Variants in YTHDC2 observed in about 807,000 individuals in gnomAD.
YTHDC2 encodes the protein 3'-5' RNA helicase YTHDC2.
YTHDC2 carries 45 observed loss-of-function variants against 174.9 expected under a neutral mutation model. That is an observed-to-expected ratio of 0.26 (90% CI 0.20 to 0.33). The LOEUF is 0.33. YTHDC2 is among the 10% of genes least tolerant of loss of function. The probability of loss-of-function intolerance (pLI) is 1.00; values close to 1 mark genes in which losing one functional copy is unlikely to be tolerated. For missense variants in YTHDC2, 1,650 were observed against 1,723.7 expected (o/e 0.96, Z 0.76); for synonymous variants, 657 against 574.5 (o/e 1.14, Z -2.05).
rs1337017330 is a variant in YTHDC2 at position 113,545,819 on chromosome 5, C to T, written c.1496-2722C>T. ...GCAGTGGCGGGATCTCGGCTCACTG[C>T]AAGCTCCGCCTCCCGGGTTCACGCC... On this transcript the variant is annotated intron_variant, in intron 10 of 29. Transcript: ENST00000161863. Among the ~76,000 whole-genome samples, 4 of 48,802 alleles carry T rather than the reference C, an allele frequency of 8.2e-5. 1 individual carries two copies. Among genetic ancestry groups the T allele is most frequent in the Non-Finnish European group, 1.3e-4 (4 of 29,868 alleles). The allele number at this position is 48,802 out of a possible 152,430, so 32.0% of individuals were successfully genotyped here.
At position 113,525,961 on chromosome 5, in the gene YTHDC2, C is replaced by T. The variant is rs542960558; in HGVS notation, c.476-625C>T. On this transcript the variant is annotated intron_variant, in intron 3 of 29. Coordinates refer to ENST00000161863, the MANE Select transcript of YTHDC2 (RefSeq NM_022828.5). The stretch of plus-strand genomic sequence containing the variant: ...GAATATAAAACATTTCATACCTCTT[C>T]TTTATTCCTATCTGTTTAGTTAAAT... 2.6e-5 allele frequency among the ~76,000 whole-genome samples: 4 copies of T among 152,196 alleles called. No homozygotes were observed. In the South Asian group the frequency reaches 8.3e-4, roughly 32 times the overall value.
intron 22 of YTHDC2, 32 bp downstream of exon 22, chr5:113,567,329 G>A (rs1777403686): frequency 6.4e-7 from 1 of 1,559,634 alleles, no homozygotes; most frequent in Non-Finnish European, 8.6e-7. Flanking sequence ...TGGGTTTTGA[G>A]GTGAAACTAA....
chr5:113,581,853 AG>A, intron 25 of YTHDC2, 144 bp downstream of exon 25: 1 of 672,242 alleles, frequency 1.5e-6, no homozygotes, highest in Non-Finnish European at 2.2e-6. Flanking sequence ...TAAAGTGGAA[AG>A]AGTTTTCTAC....
intron 23 of YTHDC2, among the ~76,000 whole-genome samples, chr5:113,569,258 A>G (rs1167017166): frequency 1.3e-5 from 2 of 152,082 alleles, no homozygotes; most frequent in African/African-American, 2.4e-5. Context: ...TGTCAGATGG[A>G]TAGATTGCAA....
chr5:113,566,473 A>T (rs1350644219), intron 21 of YTHDC2, among the ~76,000 whole-genome samples: 29 of 125,464 alleles, frequency 2.3e-4, no homozygotes, highest in African/African-American at 8.5e-4. Flanking sequence ...TTTGAAGAGG[A>T]TGCTAGTATT....
chr5:113,570,904 C>T (rs6896501), intron 23 of YTHDC2, among the ~76,000 whole-genome samples: 30,696 of 152,056 alleles, frequency 0.2, 3,529 homozygotes, highest in Admixed American at 0.33. Flanking sequence ...TCTACCACCT[C>T]GGCCTCCCAA....
At position 113,578,359 on chromosome 5, in the gene YTHDC2, C is replaced by T. The variant is rs112608891; in HGVS notation, c.3245-1227C>T. On this transcript the variant is annotated intron_variant, in intron 23 of 29. Transcript: ENST00000161863. ...TATAGGCATGAGTCACCACACCTGG[C>T]ATAGAAGGTTTTGTTTTGTTTTGTT... Among the ~76,000 whole-genome samples, 311 of 145,614 alleles carry T rather than the reference C, an allele frequency of 2.1e-3. 5 individuals carry two copies. Among genetic ancestry groups the T allele is most frequent in the African/African-American group, 8.1e-3 (298 of 36,952 alleles).
intron 17 of YTHDC2, among the ~76,000 whole-genome samples, chr5:113,560,860 G>T (rs1776915858): frequency 1.3e-5 from 2 of 152,170 alleles, no homozygotes; most frequent in African/African-American, 2.4e-5. Context: ...GATGTATCAG[G>T]TAGGTGTCCT....
intron 21 of YTHDC2, 104 bp from the exon 22 acceptor site, chr5:113,566,988 T>C (rs539004364): frequency 7.8e-7 from 1 of 1,276,196 alleles, no homozygotes; most frequent in South Asian, 1.6e-5. Context: ...ATCGTGAAAT[T>C]TGAATATCAC....
At chr5:113,585,495 AACTT>A (rs1474268935) in intron 26 of YTHDC2, among the ~76,000 whole-genome samples, 1 of 152,168 alleles carries the variant, frequency 6.6e-6, no homozygotes, top group East Asian at 1.9e-4. Context: ...ATTAAGGTGT[AACTT>A]ACAATAAAAT....
In YTHDC2 at chr5:113,567,682, C is replaced by T; in HGVS notation, c.3077C>T (p.Ala1026Val). The T allele has an allele frequency of 1.2e-6, 2 of 1,603,560 alleles. No individual in the cohort carries two copies. Among genetic ancestry groups the T allele is most frequent in the Non-Finnish European group, 1.7e-6 (2 of 1,176,228 alleles). Residue 1026 changes from alanine (A) to valine (V), a missense_variant, in exon 23 of 30, where the codon GCA becomes GTA. Ala to Val is a moderately conservative substitution (Grantham distance 64). Transcript: ENST00000161863. ...CCTCCAGCCAATGGTCAAGCTGCAG[C>T]AATTAAGGCACTGCCCACAGATTGG... is the stretch of plus-strand genomic sequence containing the variant. ...KIPPANGQAAAIKALPTDWLI... is the reference protein window; with the variant it reads ...KIPPANGQAAVIKALPTDWLI...
chr5:113,514,362 T>G lies in YTHDC2; in HGVS notation c.187+280T>G, dbSNP rs1773250441. 3 of 646,486 alleles carry G rather than the reference T, an allele frequency of 4.6e-6. No homozygotes were observed. In the Admixed American group the frequency reaches 6.3e-5, roughly 13 times the overall value. 40.0% of individuals were successfully genotyped at this position (646,486 alleles called of 1,614,324 possible). A position where few individuals can be genotyped will look rare whatever the true frequency, so the allele number is the denominator to read the frequency against. ...CGCGTCTTTCAGCAGCCTTGGGCGG[T>G]TAAGCCACCGTGTTTCAGATATTGG... On this transcript the variant is annotated intron_variant, in intron 1 of 29. Coordinates refer to ENST00000161863, the MANE Select transcript of YTHDC2 (RefSeq NM_022828.5).
Position 113,567,802 on chromosome 5 carries a change from C to T in YTHDC2, c.3197C>T (p.Pro1066Leu), listed in dbSNP as rs779619908. The change falls in exon 23 of 30, where the codon CCA becomes CTA. Residue 1066 changes from proline (P) to leucine (L), a missense_variant. By Grantham distance (98) the Pro-to-Leu change is moderately conservative. Around this residue, in one of 5 missense-constraint regions of YTHDC2, gnomAD observed 913 missense variants for 940.4 expected, o/e 0.97. Transcript: ENST00000161863. ...TPVTILVFCG[P>L]ARLASNALQE... Reference sequence around the variant, plus strand: ...GTCACTATATTGGTATTCTGTGGACCAGCTAGATTGGCAAGTAATGCTCTT... The same window carrying T: ...GTCACTATATTGGTATTCTGTGGACTAGCTAGATTGGCAAGTAATGCTCTT... 2 of 1,592,584 alleles carry T rather than the reference C, an allele frequency of 1.3e-6. No homozygotes were observed. The highest frequency in any genetic ancestry group is 1.3e-5 in the African/African-American group (1 of 74,230).
At chr5:113,518,375 A>G (rs915466624) in intron 2 of YTHDC2, among the ~76,000 whole-genome samples, 12 of 150,714 alleles carry the variant, frequency 8.0e-5, no homozygotes, top group South Asian at 6.3e-4. Flanking sequence ...TAATTTTTCT[A>G]TTTTTTGTAG....
intron 4 of YTHDC2, among the ~76,000 whole-genome samples, chr5:113,527,645 T>G (rs1041659060): frequency 6.6e-6 from 1 of 152,224 alleles, no homozygotes; most frequent in African/African-American, 2.4e-5. Context: ...GTATAAACTT[T>G]ACCAGTTTTT....
Position 113,546,091 on chromosome 5 carries a change from T to A in YTHDC2, c.1496-2450T>A, listed in dbSNP as rs1009210659. Among the ~76,000 whole-genome samples the A allele has an allele frequency of 9.8e-5, 15 of 152,338 alleles. No individual in the cohort carries two copies. The Middle Eastern group carries it at 0.01, about 104-fold the overall frequency. On this transcript the variant is annotated intron_variant, in intron 10 of 29. Coordinates refer to ENST00000161863, the MANE Select transcript of YTHDC2 (RefSeq NM_022828.5). Reference sequence around the variant, plus strand: ...TTGGATTTGAAAGTGTAGATATTTGTTCATCTGCAGTTTTCTTGCGTTCTT... The same window carrying A: ...TTGGATTTGAAAGTGTAGATATTTGATCATCTGCAGTTTTCTTGCGTTCTT...
At chr5:113,569,459 G>A (rs1777574700) in intron 23 of YTHDC2, among the ~76,000 whole-genome samples, 1 of 152,098 alleles carries the variant, frequency 6.6e-6, no homozygotes, top group African/African-American at 2.4e-5. Context: ...TTTTCTTCGA[G>A]GGTTTTTATG....
At chr5:113,588,120 A>G (rs1778794310) in intron 26 of YTHDC2, among the ~76,000 whole-genome samples, 1 of 151,958 alleles carries the variant, frequency 6.6e-6, no homozygotes, top group African/African-American at 2.4e-5. Flanking sequence ...TCATTTATTA[A>G]TTCTATTAGC....
intron 23 of YTHDC2, among the ~76,000 whole-genome samples, chr5:113,571,231 A>G (rs1248273060): frequency 6.6e-6 from 1 of 152,210 alleles, no homozygotes; most frequent in Non-Finnish European, 1.5e-5. Flanking sequence ...ATCTATTGAG[A>G]TAATCATTTG....
Sources: gnomAD v4.1 joint callset for allele counts (sites outside exome capture counted in the v4.1 genomes callset) on GRCh38, gnomAD v4.1.1 for gene constraint, gnomAD v4.1.1 regional missense constraint, MANE v1.5 for transcripts, NCBI Gene and HGNC (gene_info 2026-07-23, HGNC 2026-07-21) for gene names.